Variants in ANKRD66 observed in about 807,000 individuals in gnomAD.
ANKRD66 encodes the protein ankyrin repeat domain 66.
ANKRD66 carries 10 observed loss-of-function variants against 10.9 expected under a neutral mutation model. The ratio of observed to expected loss-of-function variants is 0.91; its 90% CI spans 0.56 to 1.55. The LOEUF (loss-of-function observed/expected upper bound fraction) is 1.55. ANKRD66 is among the 40% of genes most tolerant of loss of function. The pLI is 0.00. For missense variants in ANKRD66, 252 were observed against 242.9 expected (o/e 1.04, Z -0.25); for synonymous variants, 85 against 88.4 (o/e 0.96, Z 0.22).
Position 46,759,475 on chromosome 6 carries a change from T to A in ANKRD66, c.*554T>A, listed in dbSNP as rs1766439179. On this transcript the variant is annotated 3_prime_UTR_variant, in exon 5 of 5. Transcript: ENST00000565422. Reference sequence around the variant, plus strand: ...CATTGAAATGATAATATTTTGGATATTGCGTTGAATAAGATATATTACCAA... The same window carrying A: ...CATTGAAATGATAATATTTTGGATAATGCGTTGAATAAGATATATTACCAA... The A allele has an allele frequency of 6.6e-6, 1 of 152,244 alleles. No individual in the cohort carries two copies. Among genetic ancestry groups the A allele is most frequent in the African/African-American group, 2.4e-5 (1 of 41,464 alleles). 9.4% of individuals were successfully genotyped at this position (152,244 alleles called of 1,614,324 possible).
chr6:46,756,782 C>T (rs1286872056), intron 4 of ANKRD66: 3 of 152,174 alleles, frequency 2.0e-5, no homozygotes, highest in African/African-American at 7.2e-5. Context: ...AAACTCTTCT[C>T]CCTTGTTTTA....
chr6:46,754,437 A>C (rs1766332151), intron 4 of ANKRD66, among the ~76,000 whole-genome samples: 1 of 152,232 alleles, frequency 6.6e-6, no homozygotes, highest in African/African-American at 2.4e-5. Flanking sequence ...AAAGAACTTA[A>C]CTAGCACCTG....
At chr6:46,753,283 A>G (rs1327697283) in intron 3 of ANKRD66, among the ~76,000 whole-genome samples, 2 of 152,222 alleles carry the variant, frequency 1.3e-5, no homozygotes, top group Non-Finnish European at 2.9e-5. Context: ...ACATCTATCA[A>G]CTAGAAAGCC....
chr6:46,748,562 A>G (rs1393916257), intron 1 of ANKRD66, among the ~76,000 whole-genome samples: 2 of 152,250 alleles, frequency 1.3e-5, no homozygotes, highest in East Asian at 1.9e-4. Context: ...GATTTCTATT[A>G]AAATGAATTT....
rs781605748 is a variant in ANKRD66, at chr6:46,749,983, A to C, written c.-13+4A>C. The C allele has an allele frequency of 5.7e-6, 8 of 1,394,456 alleles. No homozygotes were observed. In the Admixed American group the frequency reaches 1.4e-4, roughly 24 times the overall value. 86.4% of individuals were successfully genotyped at this position (1,394,456 alleles called of 1,614,324 possible). A position where few individuals can be genotyped will look rare whatever the true frequency, so the allele number is the denominator to read the frequency against. On this transcript the variant is annotated splice_donor_region_variant and intron_variant, in intron 2 of 4. Coordinates refer to ENST00000565422, the MANE Select transcript of ANKRD66 (RefSeq NM_001162435.3). ...CCTGCCCAGAGTTTCAGATTCTGTA[A>C]GTCTGGGGCTGAGCACAATAATTTG...
chr6:46,756,576 A>T (rs1443766056), intron 4 of ANKRD66: 1 of 152,362 alleles, frequency 6.6e-6, no homozygotes, highest in Non-Finnish European at 1.5e-5. Flanking sequence ...TACTTCTTTG[A>T]AACATTAAAT....
chr6:46,754,055 G>A, intron 4 of ANKRD66, 105 bp downstream of exon 4: 4 of 996,954 alleles, frequency 4.0e-6, no homozygotes, highest in Non-Finnish European at 5.6e-6. Flanking sequence ...ATGAAATGAG[G>A]AAATCCAGCC....
At chr6:46,753,560 G>A (rs1296214378) in intron 3 of ANKRD66, among the ~76,000 whole-genome samples, 162 bp from the exon 4 acceptor site, 1 of 152,146 alleles carries the variant, frequency 6.6e-6, no homozygotes, top group Non-Finnish European at 1.5e-5. Context: ...TGAGTCCCTG[G>A]TGAGAAGAGG....
At chr6:46,749,031 G>A (rs141807375) in intron 1 of ANKRD66, among the ~76,000 whole-genome samples, 367 of 152,282 alleles carry the variant, frequency 2.4e-3, no homozygotes, top group African/African-American at 8.2e-3. Flanking sequence ...CCCCACTTTC[G>A]TAGGCCCGTG....
At chr6:46,751,592 GCTTACTTACTAACTTA>G (rs1766268927) in intron 2 of ANKRD66, among the ~76,000 whole-genome samples, 1 of 152,146 alleles carries the variant, frequency 6.6e-6, no homozygotes, top group East Asian at 1.9e-4. Context: ...TGCAATTCTA[GCTTACTTACTAACTTA>G]CTTACTTACT....
Position 46,758,816 on chromosome 6 carries a change from G to A in ANKRD66, c.486G>A (p.Arg162=), listed in dbSNP as rs375684650. ...ERDEDWDAKK[R]ELELSLPSLN... is the part of the protein sequence containing the mutation. ...ATGAAGACTGGGATGCCAAGAAAAG[G>A]GAGCTGGAGCTGTCTCTTCCTTCCC... Residue 162 remains arginine (R), a synonymous_variant, in exon 5 of 5, where the codon AGG becomes AGA. Transcript: ENST00000565422. The A allele has an allele frequency of 8.4e-4, 1,304 of 1,551,534 alleles. 2 individuals are homozygous for A. Among genetic ancestry groups the A allele is most frequent in the Non-Finnish European group, 1.1e-3 (1,224 of 1,146,890 alleles).
At chr6:46,757,578 T>C (rs1766407601) in intron 4 of ANKRD66, 1 of 152,194 alleles carries the variant, frequency 6.6e-6, no homozygotes, top group Non-Finnish European at 1.5e-5. Context: ...GGGGATCACT[T>C]AAGGAATTTC....
intron 4 of ANKRD66, among the ~76,000 whole-genome samples, chr6:46,755,596 C>T (rs944885022): frequency 6.6e-6 from 1 of 152,158 alleles, no homozygotes; most frequent in Non-Finnish European, 1.5e-5. Context: ...TTCTAGAAGG[C>T]CATTCATTAT....
At position 46,752,008 on chromosome 6, in the gene ANKRD66, C is replaced by T. The variant is rs1327185908; in HGVS notation, c.60C>T (p.Asp20=). The T allele has an allele frequency of 2.0e-6, 3 of 1,534,576 alleles. No homozygotes were observed. The African/African-American group carries it at 4.2e-5, about 21-fold the overall frequency. ...TTCACCAAGCTGTGGCTGCAGGAGA[C>T]TACAGCTTAGTGAAGAAGATTTTGA... is the stretch of plus-strand genomic sequence containing the variant. ...TKLHQAVAAG[D]YSLVKKILKK... is the part of the protein sequence containing the mutation. The change falls in exon 3 of 5, where the codon GAC becomes GAT. Residue 20 remains aspartate, a synonymous_variant. Transcript: ENST00000565422.
chr6:46,757,117 C>G (rs1766400981), intron 4 of ANKRD66: 1 of 152,146 alleles, frequency 6.6e-6, no homozygotes, highest in African/African-American at 2.4e-5. Context: ...CAATAAAGGT[C>G]AGTCACATCA....
intron 4 of ANKRD66, 32 bp from the exon 5 acceptor site, chr6:46,758,691 C>T: frequency 6.6e-7 from 1 of 1,518,798 alleles, no homozygotes; most frequent in Non-Finnish European, 8.8e-7. Context: ...TCCTCCTGAT[C>T]CAAGTTCAGA....
At chr6:46,749,226 G>A (rs1766210229) in intron 1 of ANKRD66, among the ~76,000 whole-genome samples, 1 of 152,202 alleles carries the variant, frequency 6.6e-6, no homozygotes, top group African/African-American at 2.4e-5. Context: ...CTGGGACTGA[G>A]CAGTGGAATC....
chr6:46,749,255 G>C (rs1766210552), intron 1 of ANKRD66, among the ~76,000 whole-genome samples: 1 of 152,160 alleles, frequency 6.6e-6, no homozygotes, highest in African/African-American at 2.4e-5. Flanking sequence ...GGAGTTGGTG[G>C]CTCCATGAGC....
chr6:46,748,402 C>T lies in ANKRD66; in HGVS notation c.-97+1412C>T, dbSNP rs1766190522. On this transcript the variant is annotated intron_variant, in intron 1 of 4. Coordinates refer to ENST00000565422, the MANE Select transcript of ANKRD66 (RefSeq NM_001162435.3). ...GACAAATGGGGTTAGTTGAAATGTA[C>T]ACCTGCTTAAAGGCCTCTATGAAAG... 1.3e-5 allele frequency among the ~76,000 whole-genome samples: 2 copies of T among 152,154 alleles called. 1 individual carries two copies. The highest frequency in any genetic ancestry group is 4.1e-4 in the South Asian group (2 of 4,826).
Sources: gnomAD v4.1 joint callset for allele counts (sites outside exome capture counted in the v4.1 genomes callset) on GRCh38, gnomAD v4.1.1 for gene constraint, MANE v1.5 for transcripts, NCBI Gene and HGNC (gene_info 2026-07-23, HGNC 2026-07-21) for gene names.